The following DNAAF11 variants were observed in gnomAD, a reference collection of about 807,000 sequenced individuals.
DNAAF11 encodes the protein dynein axonemal assembly factor 11.
DNAAF11 carries 45 observed loss-of-function variants against 60.8 expected under a neutral mutation model. The observed-to-expected ratio is 0.74, with a 90% CI of 0.58 to 0.95. The LOEUF (loss-of-function observed/expected upper bound fraction) is 0.95. Among genes scored for constraint, DNAAF11 ranks in the 40% least tolerant of loss-of-function variants. The pLI, the probability that DNAAF11 is intolerant of heterozygous loss-of-function variation, is 0.00. For missense variants in DNAAF11, 546 were observed against 546.2 expected (o/e 1.00, Z 0.00); for synonymous variants, 191 against 183.5 (o/e 1.04, Z -0.33).
the DNAAF11 span, among the ~76,000 whole-genome samples, chr8:132,692,961 T>G: frequency 1.3e-4 from 20 of 152,336 alleles, no homozygotes; most frequent in East Asian, 3.5e-3. Context: ...TACAAATGCA[T>G]GTATCTATAA....
rs141676173 is a variant in DNAAF11, at chr8:132,577,040, G to A, written c.1227-4560C>T. ...ATAGCAAAATGCCCAAATCATAAGA[G>A]TGAAACTTTCATTAACTGAATGCAC... On this transcript the variant is annotated intron_variant, in intron 11 of 11. Transcript: ENST00000620350. Among the ~76,000 whole-genome samples the A allele has an allele frequency of 1.2e-4, 19 of 152,250 alleles. 1 individual carries two copies. The East Asian group carries it at 3.3e-3, about 26-fold the overall frequency.
chr8:132,635,226 C>T (rs1821177037), intron 4 of DNAAF11, among the ~76,000 whole-genome samples: 1 of 152,114 alleles, frequency 6.6e-6, no homozygotes, highest in Admixed American at 6.5e-5. Flanking sequence ...ATCAGAGATC[C>T]AGTTTTAAGC....
intron 1 of DNAAF11, among the ~76,000 whole-genome samples, chr8:132,673,105 A>C (rs1193465469): frequency 6.6e-6 from 1 of 152,184 alleles, no homozygotes. Flanking sequence ...GTGGCACAGC[A>C]AAAGAGGACC....
At chr8:132,637,358 C>T (rs1437594308) in intron 4 of DNAAF11, among the ~76,000 whole-genome samples, 1 of 152,236 alleles carries the variant, frequency 6.6e-6, no homozygotes, top group Non-Finnish European at 1.5e-5. Context: ...GTAATCCCAG[C>T]ACTTTGGGAG....
intron 3 of DNAAF11, among the ~76,000 whole-genome samples, chr8:132,650,708 A>T (rs1822921565): frequency 1.3e-5 from 2 of 152,224 alleles, no homozygotes; most frequent in Admixed American, 1.3e-4. Flanking sequence ...TTATAAATGT[A>T]GAAGATATAT....
At chr8:132,611,504 A>T (rs1818667458) in intron 8 of DNAAF11, 141 bp from the exon 9 acceptor site, 1 of 518,522 alleles carries the variant, frequency 1.9e-6, no homozygotes, top group Non-Finnish European at 3.4e-6. Context: ...TTAAAAAATT[A>T]GTTTTAAATT....
chr8:132,680,685 C>T, the DNAAF11 span, among the ~76,000 whole-genome samples: 1 of 151,984 alleles, frequency 6.6e-6, no homozygotes, highest in Non-Finnish European at 1.5e-5. Flanking sequence ...TTCCCTTATC[C>T]CTTTTTCCTT....
chr8:132,621,262 G>A (rs572469523), intron 7 of DNAAF11, among the ~76,000 whole-genome samples: 2 of 152,278 alleles, frequency 1.3e-5, no homozygotes, highest in Admixed American at 6.5e-5. Flanking sequence ...GAGGAGAAAC[G>A]GTGGAAGCTT....
intron 3 of DNAAF11, among the ~76,000 whole-genome samples, chr8:132,656,508 G>T (rs1823586266): frequency 6.6e-6 from 1 of 152,172 alleles, no homozygotes; most frequent in Non-Finnish European, 1.5e-5. Flanking sequence ...TTTCGCTGTT[G>T]TTGCTCAGGC....
chr8:132,666,051 A>G (rs1824592821), intron 1 of DNAAF11, among the ~76,000 whole-genome samples: 1 of 152,238 alleles, frequency 6.6e-6, no homozygotes, highest in Admixed American at 6.5e-5. Flanking sequence ...CTGTGGGTAC[A>G]CAAGGACATA....
intron 4 of DNAAF11, among the ~76,000 whole-genome samples, chr8:132,636,005 T>C (rs1027878167): frequency 6.6e-5 from 10 of 151,778 alleles, no homozygotes; most frequent in Admixed American, 5.3e-4. Context: ...CGTCAACATC[T>C]TGAACTTGAA....
chr8:132,651,789 C>A lies in DNAAF11; in HGVS notation c.256+5041G>T, dbSNP rs139197100. Reference sequence around the variant, plus strand: ...ATTTTAGATAGAAACTTCATTACCACAAAACATGGACATACAGTAAATTTT... The same window carrying A: ...ATTTTAGATAGAAACTTCATTACCAAAAAACATGGACATACAGTAAATTTT... On this transcript the variant is annotated intron_variant, in intron 3 of 11. Coordinates refer to ENST00000620350, the MANE Select transcript of DNAAF11 (RefSeq NM_012472.6). 1.8e-4 allele frequency among the ~76,000 whole-genome samples: 28 copies of A among 152,260 alleles called. No homozygotes were observed. In the East Asian group the frequency reaches 5.0e-3, roughly 27 times the overall value.
At chr8:132,616,627 G>A (rs1478392448) in intron 7 of DNAAF11, among the ~76,000 whole-genome samples, 1 of 152,184 alleles carries the variant, frequency 6.6e-6, no homozygotes, top group Non-Finnish European at 1.5e-5. Flanking sequence ...GAGAGTGTTA[G>A]TGAGGCTGGA....
chr8:132,602,744 AATATATATATATAT>A (rs35316805), intron 10 of DNAAF11, among the ~76,000 whole-genome samples: 2 of 141,852 alleles, frequency 1.4e-5, no homozygotes, highest in Non-Finnish European at 3.1e-5. Flanking sequence ...CTTAATTTGA[AATATATATATATAT>A]ATATATATAT....
chr8:132,627,259 G>C (rs1292363261), intron 5 of DNAAF11, among the ~76,000 whole-genome samples: 1 of 151,872 alleles, frequency 6.6e-6, no homozygotes, highest in African/African-American at 2.4e-5. Context: ...GTTCAATCTG[G>C]CCTTTTGCAA....
the DNAAF11 span, among the ~76,000 whole-genome samples, chr8:132,684,782 C>T: frequency 6.6e-6 from 1 of 152,328 alleles, no homozygotes; most frequent in Non-Finnish European, 1.5e-5. Context: ...TCTTCTAATC[C>T]TTTTGATTCT....
At chr8:132,643,715 A>G (rs1822082031) in intron 3 of DNAAF11, 4 of 456,136 alleles carry the variant, frequency 8.8e-6, no homozygotes, top group Non-Finnish European at 1.8e-5. Flanking sequence ...GAAACAGCAG[A>G]TAAGCATGAT....
At chr8:132,682,269 A>T in the DNAAF11 span, among the ~76,000 whole-genome samples, 2 of 152,150 alleles carry the variant, frequency 1.3e-5, no homozygotes, top group African/African-American at 4.8e-5. Context: ...TCCATGTTAA[A>T]GTCTAACCAC....
intron 10 of DNAAF11, among the ~76,000 whole-genome samples, chr8:132,598,792 T>C (rs941025404): frequency 2.0e-5 from 3 of 152,208 alleles, no homozygotes; most frequent in African/African-American, 2.4e-5. Context: ...GAGGGAAATT[T>C]ATAGCACTGA....
Sources: allele counts gnomAD v4.1 joint callset (sites outside exome capture counted in the v4.1 genomes callset), GRCh38; gene constraint gnomAD v4.1.1; transcripts MANE v1.5; gene names NCBI Gene and HGNC (gene_info 2026-07-23, HGNC 2026-07-21).